Variants in PCDHGA3 observed in about 807,000 individuals in gnomAD.
PCDHGA3 encodes protocadherin gamma-A3.
A neutral mutation model predicts 58.5 loss-of-function variants in PCDHGA3; 40 were observed. That is an observed-to-expected ratio of 0.68 (90% CI 0.53 to 0.89). PCDHGA3 has a LOEUF of 0.89. Ranked by LOEUF, PCDHGA3 falls within the 40% of genes least tolerant of loss-of-function variation. The pLI is 0.00. For synonymous variants in PCDHGA3, 530 were observed against 525.7 expected (o/e 1.01, Z -0.11); for missense variants, 1,223 against 1,195.9 (o/e 1.02, Z -0.33).
chr5:141,461,732 A>G (rs945368729), intron 1 of PCDHGA3, among the ~76,000 whole-genome samples: 5 of 152,154 alleles, frequency 3.3e-5, no homozygotes, highest in Non-Finnish European at 5.9e-5. Context: ...GTGCAGTGGC[A>G]CAATCCCGGC....
At chr5:141,404,675 G>A (rs1048688884) in intron 1 of PCDHGA3, 2 of 1,614,200 alleles carry the variant, frequency 1.2e-6, no homozygotes, top group Non-Finnish European at 1.7e-6. Flanking sequence ...TTCTACTGGT[G>A]TGGAGCTGGC....
chr5:141,415,247 C>G, intron 1 of PCDHGA3: 1 of 1,614,210 alleles, frequency 6.2e-7, no homozygotes. Context: ...TCTGAAACCT[C>G]AGACCTCACT....
chr5:141,416,718 G>T lies in PCDHGA3; in HGVS notation c.2424+70261G>T, dbSNP rs1202204760. The T allele has an allele frequency of 5.9e-5, 9 of 152,308 alleles. No homozygotes were observed. In the East Asian group the frequency reaches 1.5e-3, roughly 26 times the overall value. The allele number at this position is 152,308 out of a possible 1,614,324, so 9.4% of individuals were successfully genotyped here. On this transcript the variant is annotated intron_variant, in intron 1 of 3. Transcript: ENST00000253812. ...AAAGGATCATTGGAGGTACTGATGAGTTCATTTAGTTCAATGAAAATAGTG... is the reference window on the plus strand; with the variant it reads ...AAAGGATCATTGGAGGTACTGATGATTTCATTTAGTTCAATGAAAATAGTG...
intron 1 of PCDHGA3, chr5:141,362,297 C>T: frequency 1.2e-6 from 2 of 1,614,082 alleles, no homozygotes; most frequent in African/African-American, 1.3e-5. Flanking sequence ...TCTTCCAGGT[C>T]AGATGCTTGG....
chr5:141,384,252 C>T lies in PCDHGA3; in HGVS notation c.2424+37795C>T, dbSNP rs377503121. ...CAGACACCAACGATAACCCACCCAC[C>T]TTCCCCCACTCATCCTACTCAGTCT... is the stretch of plus-strand genomic sequence containing the variant. On this transcript the variant is annotated intron_variant, in intron 1 of 3. Coordinates refer to ENST00000253812, the MANE Select transcript of PCDHGA3 (RefSeq NM_018916.4). 204 of 1,613,902 alleles carry T rather than the reference C, an allele frequency of 1.3e-4. 1 individual carries two copies. The highest frequency in any genetic ancestry group is 1.5e-4 in the Non-Finnish European group (179 of 1,179,886).
chr5:141,473,988 G>A (rs1006988447), intron 1 of PCDHGA3, among the ~76,000 whole-genome samples: 1 of 152,118 alleles, frequency 6.6e-6, no homozygotes, highest in African/African-American at 2.4e-5. Flanking sequence ...AGGATCCCTT[G>A]AGCCCAAGGA....
rs775416808 is a variant in PCDHGA3, at chr5:141,429,727, G to A, written c.2425-65080G>A. ...TAAATATTTACGCTCATGAAAGTAC[G>A]TAGCCAGTTATTTCTTAGGGAGAAT... On this transcript the variant is annotated intron_variant, in intron 1 of 3. Transcript: ENST00000253812. 7.2e-5 allele frequency among the ~76,000 whole-genome samples: 11 copies of A among 152,158 alleles called. 1 individual carries two copies. The highest frequency in any genetic ancestry group is 1.9e-4 in the East Asian group (1 of 5,188).
chr5:141,453,848 C>T (rs1045684685), intron 1 of PCDHGA3, among the ~76,000 whole-genome samples: 38 of 152,290 alleles, frequency 2.5e-4, no homozygotes, highest in Non-Finnish European at 4.4e-4. Context: ...GTCCACAGAG[C>T]ACTTTGAAAA....
intron 1 of PCDHGA3, among the ~76,000 whole-genome samples, chr5:141,448,117 A>G (rs564444141): frequency 6.6e-6 from 1 of 152,094 alleles, no homozygotes; most frequent in Non-Finnish European, 1.5e-5. Flanking sequence ...AAAGAAAATT[A>G]GCCTCCCCCA....
At chr5:141,393,845 AC>A in intron 1 of PCDHGA3, 1 of 1,613,966 alleles carries the variant, frequency 6.2e-7, no homozygotes, top group South Asian at 1.1e-5. Flanking sequence ...ATGACAATAG[AC>A]CAGAAGTGAT....
At chr5:141,355,397 T>A in intron 1 of PCDHGA3, 2 of 1,614,048 alleles carry the variant, frequency 1.2e-6, no homozygotes, top group African/African-American at 1.3e-5. Context: ...GGAGTCCGCA[T>A]CGTCTCCAGA....
chr5:141,353,605 T>A (rs1428740410), intron 1 of PCDHGA3, among the ~76,000 whole-genome samples: 1 of 152,240 alleles, frequency 6.6e-6, no homozygotes, highest in East Asian at 1.9e-4. Flanking sequence ...TTCTTAACCA[T>A]TCCTAAATTA....
chr5:141,403,694 C>T (rs746395931), intron 1 of PCDHGA3: 3 of 1,613,760 alleles, frequency 1.9e-6, no homozygotes, highest in Admixed American at 3.3e-5. Flanking sequence ...ACGGATTTAC[C>T]GAGTTAAAGT....
At chr5:141,364,319 A>G in intron 1 of PCDHGA3, 1 of 1,525,796 alleles carries the variant, frequency 6.6e-7, no homozygotes, top group Non-Finnish European at 8.8e-7. Context: ...AAAATTGGGC[A>G]GAGAGAAGGC....
At chr5:141,464,137 C>T (rs1015442185) in intron 1 of PCDHGA3, among the ~76,000 whole-genome samples, 9 of 151,928 alleles carry the variant, frequency 5.9e-5, no homozygotes, top group Non-Finnish European at 7.4e-5. Context: ...TGGTGGTGGG[C>T]GCCTGTAGTC....
intron 1 of PCDHGA3, among the ~76,000 whole-genome samples, chr5:141,433,837 C>CA (rs56191208): frequency 0.14 from 15,134 of 111,544 alleles, 1,164 homozygotes; most frequent in African/African-American, 0.25. Context: ...AACTCTATCT[C>CA]AAAAAAAAAA....
intron 1 of PCDHGA3, chr5:141,372,410 A>C: frequency 6.2e-7 from 1 of 1,613,980 alleles, no homozygotes; most frequent in South Asian, 1.1e-5. Context: ...AAGAGATACA[A>C]CCTGACCTTA....
At chr5:141,443,447 C>T (rs1267862519) in intron 1 of PCDHGA3, among the ~76,000 whole-genome samples, 1 of 152,184 alleles carries the variant, frequency 6.6e-6, no homozygotes, top group African/African-American at 2.4e-5. Flanking sequence ...GGTTGCGCTC[C>T]TGTACTCCAG....
At chr5:141,384,870 C>G in intron 1 of PCDHGA3, 4 of 1,613,806 alleles carry the variant, frequency 2.5e-6, no homozygotes, top group South Asian at 1.1e-5. Context: ...TGTCAGCCAC[C>G]GTCACACTCA....
Sources: allele counts gnomAD v4.1 joint callset (sites outside exome capture counted in the v4.1 genomes callset), GRCh38; gene constraint gnomAD v4.1.1; transcripts MANE v1.5; gene names NCBI Gene and HGNC (gene_info 2026-07-23, HGNC 2026-07-21).